The following CA2 variants were observed in gnomAD, a reference collection of about 807,000 sequenced individuals.
CA2 encodes the protein carbonate dehydratase II.
A neutral mutation model predicts 27.8 loss-of-function variants in CA2; 23 were observed. That is an observed-to-expected ratio of 0.83 (90% confidence interval 0.59 to 1.17). The LOEUF (loss-of-function observed/expected upper bound fraction) is 1.17. CA2 is among the 50% of genes most tolerant of loss of function. CA2 has a pLI of 0.00. For synonymous variants in CA2, 99 were observed against 114.9 expected, an observed-to-expected ratio of 0.86 and a Z score of 0.88; for missense variants, 300 against 314.7, an observed-to-expected ratio of 0.95 and a Z score of 0.35.
chr8:85,475,682 G>A (rs1811786776), intron 4 of CA2, 116 bp from the exon 5 acceptor site: 3 of 858,974 alleles, frequency 3.5e-6, no homozygotes, highest in South Asian at 1.4e-5. Flanking sequence ...CATGTATGAA[G>A]TGGAGAATTT....
chr8:85,475,761 TG>T, intron 4 of CA2, 36 bp from the exon 5 acceptor site: 1 of 1,593,874 alleles, frequency 6.3e-7, no homozygotes, highest in Non-Finnish European at 8.6e-7. Context: ...CAGTACCAAC[TG>T]GGTGATAGTA....
At chr8:85,469,535 C>T (rs1811684212) in intron 2 of CA2, among the ~76,000 whole-genome samples, 1 of 152,130 alleles carries the variant, frequency 6.6e-6, no homozygotes, top group South Asian at 2.1e-4. Context: ...TGAAAAATTG[C>T]TAATCCCTTT....
chr8:85,475,407 A>G (rs1337353302), intron 4 of CA2, among the ~76,000 whole-genome samples: 2 of 149,714 alleles, frequency 1.3e-5, no homozygotes, highest in Non-Finnish European at 3.0e-5. Flanking sequence ...GCGAGAGTCA[A>G]GAGAGATTTG....
intron 1 of CA2, 62 bp downstream of exon 1, chr8:85,464,177 C>A: frequency 1.4e-6 from 2 of 1,460,438 alleles, no homozygotes; most frequent in Non-Finnish European, 9.2e-7. Context: ...TCCCCGATCC[C>A]CGAGCCCGGA....
intron 3 of CA2, 186 bp downstream of exon 3, chr8:85,473,997 C>A (rs992447162): frequency 1.6e-6 from 1 of 617,914 alleles, no homozygotes; most frequent in African/African-American, 1.8e-5. Context: ...GCAAAACTTT[C>A]TCTACTGTCT....
rs1811575370 is a variant in CA2, at chr8:85,464,047, C to G, written c.-35C>G. 2 of 1,541,910 alleles carry G rather than the reference C, an allele frequency of 1.3e-6. No individual in the cohort carries two copies. Among genetic ancestry groups the G allele is most frequent in the Non-Finnish European group, 1.7e-6 (2 of 1,146,666 alleles). On this transcript the variant is annotated 5_prime_UTR_variant, in exon 1 of 7. Transcript: ENST00000285379. Reference sequence around the variant, plus strand: ...CCAAGCCGCCGCCGCCAGATCGGTGCCGATTCCTGCCCTGCCCCGACCGCC... The same window carrying G: ...CCAAGCCGCCGCCGCCAGATCGGTGGCGATTCCTGCCCTGCCCCGACCGCC...
chr8:85,476,607 T>C (rs560237315), intron 5 of CA2, among the ~76,000 whole-genome samples: 47 of 152,374 alleles, frequency 3.1e-4, no homozygotes, highest in Middle Eastern at 3.4e-3. Flanking sequence ...TATTCTCATA[T>C]GATATAGTTT....
intron 2 of CA2, among the ~76,000 whole-genome samples, chr8:85,471,537 C>A (rs1047372964): frequency 1.3e-5 from 2 of 152,034 alleles, no homozygotes; most frequent in Admixed American, 1.3e-4. Flanking sequence ...AAACTTTATT[C>A]TCCTTAAAAT....
intron 2 of CA2, 135 bp downstream of exon 2, chr8:85,465,604 C>A: frequency 1.3e-6 from 1 of 745,890 alleles, no homozygotes. Flanking sequence ...CCACCCTGAT[C>A]ATTTTCATTA....
chr8:85,468,534 G>A (rs752498811), intron 2 of CA2, among the ~76,000 whole-genome samples: 15 of 152,302 alleles, frequency 9.8e-5, no homozygotes, highest in East Asian at 3.9e-4. Context: ...TGAGGTGGGC[G>A]GATCACTTGA....
chr8:85,464,137 C>T (rs370073788), intron 1 of CA2, 22 bp downstream of exon 1: 1 of 1,532,840 alleles, frequency 6.5e-7, no homozygotes, highest in African/African-American at 1.4e-5. Context: ...CGACGGCCAG[C>T]GCGGGGGCGC....
intron 4 of CA2, chr8:85,474,664 T>C (rs969588222): frequency 2.2e-5 from 11 of 506,786 alleles, no homozygotes; most frequent in African/African-American, 1.4e-4. Flanking sequence ...AGAGATCAAC[T>C]TGGGTGACTG....
At chr8:85,473,475 T>C (rs1188385515) in intron 2 of CA2, 3 of 663,692 alleles carry the variant, frequency 4.5e-6, no homozygotes, top group Admixed American at 2.1e-5. Flanking sequence ...ACAGGTAAAG[T>C]GATTTTGTTC....
chr8:85,479,576 C>A (rs1418944634), intron 6 of CA2, among the ~76,000 whole-genome samples: 4 of 152,002 alleles, frequency 2.6e-5, no homozygotes, highest in Non-Finnish European at 5.9e-5. Context: ...GGGAAAGTAG[C>A]ACTTTTTGAG....
rs201300516 is a variant in CA2, at chr8:85,465,438, C to T, written c.201C>T (p.Asn67=). The part of the protein sequence containing the change: ...LRILNNGHAF[N]VEFDDSQDKA... ...TCCTCAACAATGGTCATGCTTTCAA[C>T]GTGGAGTTTGATGACTCTCAGGACA... The change falls in exon 2 of 7, where the codon AAC becomes AAT. Residue 67 remains asparagine (N), a synonymous_variant. Transcript: ENST00000285379. 1 of 1,614,136 alleles carries T rather than the reference C, an allele frequency of 6.2e-7. No homozygotes were observed. Among genetic ancestry groups the T allele is most frequent in the South Asian group, 1.1e-5 (1 of 91,078 alleles).
rs1416015802 is a variant in CA2 at position 85,481,280 on chromosome 8, AAAAATTATTATAT to A, written c.*493_*505del. Reference sequence around the variant, plus strand: ...AGATGTTATATTAAAGAAAAACTTTAAAAATTATTATATATTTATAGCAAAGTTATCTTAAATA... The same window carrying A: ...AGATGTTATATTAAAGAAAAACTTTAATTTATAGCAAAGTTATCTTAAATA... On this transcript the variant is annotated 3_prime_UTR_variant, in exon 7 of 7. Coordinates refer to ENST00000285379, the MANE Select transcript of CA2 (RefSeq NM_000067.3). The A allele has an allele frequency of 6.5e-6, 1 of 154,486 alleles. No individual in the cohort carries two copies. Among genetic ancestry groups the A allele is most frequent in the Non-Finnish European group, 1.4e-5 (1 of 69,208 alleles). 9.6% of individuals were successfully genotyped at this position (154,486 alleles called of 1,614,324 possible). A position where few individuals can be genotyped will look rare whatever the true frequency, so the allele number is the denominator to read the frequency against.
chr8:85,474,562 A>C, intron 4 of CA2, 146 bp downstream of exon 4: 1 of 716,202 alleles, frequency 1.4e-6, no homozygotes, highest in Non-Finnish European at 2.5e-6. Context: ...TCCTCCTTTC[A>C]TATCTGCTAG....
At chr8:85,475,672 C>A in intron 4 of CA2, 126 bp from the exon 5 acceptor site, 1 of 791,592 alleles carries the variant, frequency 1.3e-6, no homozygotes, top group South Asian at 1.4e-5. Context: ...TGATGGGGGT[C>A]ATGTATGAAG....
intron 6 of CA2, among the ~76,000 whole-genome samples, chr8:85,479,572 G>T (rs1470957455): frequency 5.9e-5 from 9 of 152,040 alleles, no homozygotes; most frequent in Non-Finnish European, 1.3e-4. Flanking sequence ...AGGGGGGAAA[G>T]TAGCACTTTT....
Sources: gnomAD v4.1 joint callset for allele counts (sites outside exome capture counted in the v4.1 genomes callset) on GRCh38, gnomAD v4.1.1 for gene constraint, MANE v1.5 for transcripts, NCBI Gene and HGNC (gene_info 2026-07-23, HGNC 2026-07-21) for gene names.